Variants in XPR1 observed in about 807,000 individuals in gnomAD.
XPR1 encodes the protein solute carrier family 53 member 1.
In XPR1, 28 loss-of-function variants were observed where a neutral mutation model predicts 87.5. The observed-to-expected ratio is 0.32, with a 90% CI of 0.24 to 0.44. The LOEUF is 0.44. Ranked by LOEUF, XPR1 falls within the 20% of genes least tolerant of loss-of-function variation. The pLI is 1.00. For synonymous variants in XPR1, 300 were observed against 306.1 expected (o/e 0.98, Z 0.21); for missense variants, 559 against 862.3 (o/e 0.65, Z 4.41).
chr1:180,695,478 T>G (rs922340420), intron 2 of XPR1, among the ~76,000 whole-genome samples: 1 of 151,942 alleles, frequency 6.6e-6, no homozygotes. Context: ...TGCCTGCGCT[T>G]TTGAAGTCTT....
At chr1:180,722,908 T>C (rs1646121902) in intron 2 of XPR1, among the ~76,000 whole-genome samples, 1 of 152,226 alleles carries the variant, frequency 6.6e-6, no homozygotes, top group Non-Finnish European at 1.5e-5. Flanking sequence ...TTATCACTTT[T>C]TGTAATTAAA....
intron 2 of XPR1, among the ~76,000 whole-genome samples, chr1:180,726,966 C>G (rs952979269): frequency 1.3e-5 from 2 of 151,906 alleles, no homozygotes; most frequent in Non-Finnish European, 1.5e-5. Flanking sequence ...GCTCCGCCTC[C>G]TGGGTTCACG....
chr1:180,851,258 A>T (rs1339455637), intron 11 of XPR1, among the ~76,000 whole-genome samples: 1 of 152,192 alleles, frequency 6.6e-6, no homozygotes, highest in African/African-American at 2.4e-5. Context: ...TATTTTCCAC[A>T]TGATGGTTAG....
At chr1:180,761,359 G>A (rs908343108) in intron 2 of XPR1, among the ~76,000 whole-genome samples, 33 of 152,210 alleles carry the variant, frequency 2.2e-4, no homozygotes, top group East Asian at 2.1e-3. Flanking sequence ...GAAAATTTTC[G>A]CAACCTACTC....
At chr1:180,671,673 C>T (rs1034842547) in intron 1 of XPR1, among the ~76,000 whole-genome samples, 25 of 152,212 alleles carry the variant, frequency 1.6e-4, no homozygotes, top group Admixed American at 1.2e-3. Flanking sequence ...AACTACCAAG[C>T]CCAGCTAATT....
chr1:180,657,970 T>G (rs986311664), intron 1 of XPR1, among the ~76,000 whole-genome samples: 2 of 152,188 alleles, frequency 1.3e-5, no homozygotes, highest in East Asian at 3.8e-4. Flanking sequence ...GTTTCTTTCA[T>G]CAATGTTTTA....
intron 1 of XPR1, among the ~76,000 whole-genome samples, chr1:180,671,666 T>C (rs1034491784): frequency 6.6e-6 from 1 of 152,112 alleles, no homozygotes; most frequent in Non-Finnish European, 1.5e-5. Context: ...ATGTGTCAAC[T>C]ACCAAGCCCA....
At chr1:180,753,220 A>C (rs1424501898) in intron 2 of XPR1, among the ~76,000 whole-genome samples, 2 of 152,186 alleles carry the variant, frequency 1.3e-5, no homozygotes, top group Admixed American at 1.3e-4. Flanking sequence ...AAATTCAGCA[A>C]ATAATAAAGT....
At position 180,754,056 on chromosome 1, in the gene XPR1, C is replaced by G. The variant is rs116603281; in HGVS notation, c.122-33697C>G. On this transcript the variant is annotated intron_variant, in intron 2 of 14. Coordinates refer to ENST00000367590, the MANE Select transcript of XPR1 (RefSeq NM_004736.4). ...CCAAGTTTTTCTTTGACTACCGATTCTAAAGTCACTCTCTCGACACTTGTT... is the reference window on the plus strand; with the variant it reads ...CCAAGTTTTTCTTTGACTACCGATTGTAAAGTCACTCTCTCGACACTTGTT... Among the ~76,000 whole-genome samples, 696 of 152,324 alleles carry G rather than the reference C, an allele frequency of 4.6e-3. 12 individuals carry two copies. Among genetic ancestry groups the G allele is most frequent in the African/African-American group, 0.016 (673 of 41,572 alleles).
intron 3 of XPR1, among the ~76,000 whole-genome samples, chr1:180,792,228 C>T (rs1649415241): frequency 1.3e-5 from 2 of 152,156 alleles, no homozygotes; most frequent in Non-Finnish European, 2.9e-5. Flanking sequence ...CCACTTATAT[C>T]TCACACATTA....
intron 2 of XPR1, among the ~76,000 whole-genome samples, chr1:180,755,428 G>A (rs1216183385): frequency 5.3e-5 from 8 of 152,138 alleles, no homozygotes; most frequent in African/African-American, 9.7e-5. Flanking sequence ...TAGCTGAACC[G>A]AGCTGTGTAG....
intron 2 of XPR1, among the ~76,000 whole-genome samples, chr1:180,741,127 G>A (rs1557984010): frequency 1.3e-5 from 2 of 152,060 alleles, no homozygotes; most frequent in Non-Finnish European, 1.5e-5. Context: ...TTTGTTAAAT[G>A]TTGGTTGATC....
At chr1:180,688,173 C>T (rs951090010) in intron 2 of XPR1, among the ~76,000 whole-genome samples, 1 of 151,262 alleles carries the variant, frequency 6.6e-6, no homozygotes, top group East Asian at 1.9e-4. Flanking sequence ...CTGCCTCAGC[C>T]TCCTGTGTGG....
chr1:180,831,346 A>ATTTTT (rs1651053236), intron 9 of XPR1, among the ~76,000 whole-genome samples: 1 of 56,358 alleles, frequency 1.8e-5, no homozygotes, highest in Admixed American at 1.9e-4. Flanking sequence ...TTTGCTTTCT[A>ATTTTT]TTTTCTTTTC....
intron 2 of XPR1, among the ~76,000 whole-genome samples, chr1:180,740,822 A>G (rs974257832): frequency 6.6e-6 from 1 of 152,156 alleles, no homozygotes; most frequent in Admixed American, 6.5e-5. Context: ...TCTTAGGTCA[A>G]AGCATCAGCA....
chr1:180,803,708 A>G (rs1467537922), intron 4 of XPR1, 97 bp downstream of exon 4: 2 of 1,008,308 alleles, frequency 2.0e-6, no homozygotes, highest in African/African-American at 3.2e-5. Context: ...GGTCAGTTCC[A>G]AAAAGGAAAA....
intron 2 of XPR1, among the ~76,000 whole-genome samples, chr1:180,775,460 CAGTTA>C (rs999948198): frequency 5.9e-5 from 9 of 152,186 alleles, no homozygotes; most frequent in Non-Finnish European, 8.8e-5. Flanking sequence ...ACTGAGAATT[CAGTTA>C]AGTTAATAAT....
rs372167282 is a variant in XPR1, at chr1:180,720,767, A to G, written c.121+38356A>G. The stretch of plus-strand genomic sequence containing the variant: ...GAATGCATGCTTAAGTTTGGAAACC[A>G]TGGATTTAGAATACTATTGCCTTTT... On this transcript the variant is annotated intron_variant, in intron 2 of 14. Coordinates refer to ENST00000367590, the MANE Select transcript of XPR1 (RefSeq NM_004736.4). Among the ~76,000 whole-genome samples, 9 of 152,316 alleles carry G rather than the reference A, an allele frequency of 5.9e-5. No homozygotes were observed. The East Asian group carries it at 1.3e-3, about 23-fold the overall frequency.
At chr1:180,751,428 A>G (rs1232383379) in intron 2 of XPR1, among the ~76,000 whole-genome samples, 2 of 152,070 alleles carry the variant, frequency 1.3e-5, no homozygotes, top group East Asian at 3.8e-4. Context: ...TACCTAATAA[A>G]TAATAGTTGG....
Sources: gnomAD v4.1 joint callset for allele counts (sites outside exome capture counted in the v4.1 genomes callset) on GRCh38, gnomAD v4.1.1 for gene constraint, MANE v1.5 for transcripts, NCBI Gene and HGNC (gene_info 2026-07-23, HGNC 2026-07-21) for gene names.